Variants in HECW1 observed in about 807,000 individuals in gnomAD.
HECW1 encodes HECT, C2 and WW domain containing E3 ubiquitin protein ligase 1.
Under a neutral mutation model 182.3 loss-of-function variants are expected in HECW1, and 61 were observed. The ratio of observed to expected loss-of-function variants is 0.33; its 90% confidence interval spans 0.27 to 0.41. The LOEUF (loss-of-function observed/expected upper bound fraction) is 0.41, where lower values mean the gene tolerates loss of function less well. Ranked by LOEUF, HECW1 falls within the 10% of genes least tolerant of loss-of-function variation. The pLI is 1.00. For synonymous variants in HECW1, 859 were observed against 832.6 expected, an observed-to-expected ratio of 1.03 and a Z score of -0.55; for missense variants, 1,739 against 2,108.9, an observed-to-expected ratio of 0.82 and a Z score of 3.44.
chr7:43,192,321 A>G (rs1410084125), intron 2 of HECW1, among the ~76,000 whole-genome samples: 1 of 152,230 alleles, frequency 6.6e-6, no homozygotes, highest in East Asian at 1.9e-4. Flanking sequence ...ACATTTCAAA[A>G]TAGCTAGTAG....
chr7:43,146,422 T>G (rs1788717897), intron 2 of HECW1, among the ~76,000 whole-genome samples: 1 of 152,188 alleles, frequency 6.6e-6, no homozygotes, highest in East Asian at 1.9e-4. Context: ...ACCACTAGAT[T>G]ATATGTATCA....
intron 3 of HECW1, among the ~76,000 whole-genome samples, chr7:43,271,438 T>C (rs1280680275): frequency 6.6e-6 from 1 of 152,176 alleles, no homozygotes; most frequent in Admixed American, 6.5e-5. Context: ...CCGAATTATA[T>C]GATTCTGTAC....
At chr7:43,280,945 A>G (rs1803814338) in intron 3 of HECW1, among the ~76,000 whole-genome samples, 1 of 152,162 alleles carries the variant, frequency 6.6e-6, no homozygotes, top group Admixed American at 6.5e-5. Flanking sequence ...TGAGGTTTTC[A>G]TGCATTCCCG....
At position 43,407,740 on chromosome 7, in the gene HECW1, T is replaced by C; in HGVS notation, c.801+9T>C. The C allele has an allele frequency of 6.3e-7, 1 of 1,593,576 alleles. No individual in the cohort carries two copies. Among genetic ancestry groups the C allele is most frequent in the South Asian group, 1.1e-5 (1 of 89,796 alleles). On this transcript the variant is annotated intron_variant, in intron 8 of 29. Transcript: ENST00000395891. ...CCATCTGGCAGGCCGAGGTGAGTGC[T>C]GTGGGCCCTGAAAAAAAGCCCAAGT...
intron 21 of HECW1, 73 bp downstream of exon 21, chr7:43,501,395 G>C: frequency 1.2e-6 from 1 of 823,954 alleles, no homozygotes; most frequent in Non-Finnish European, 2.1e-6. Context: ...TGAATGAAAG[G>C]CAACTGTATG....
chr7:43,425,837 C>T (rs1332143059), intron 8 of HECW1, among the ~76,000 whole-genome samples: 2 of 152,124 alleles, frequency 1.3e-5, no homozygotes, highest in East Asian at 1.9e-4. Flanking sequence ...AAAGGCCCCA[C>T]CTCTAATACT....
intron 26 of HECW1, among the ~76,000 whole-genome samples, chr7:43,548,278 T>G (rs554404026): frequency 6.6e-6 from 1 of 152,320 alleles, no homozygotes; most frequent in South Asian, 2.1e-4. Context: ...TTCTATTAAT[T>G]TTCTAGGTAT....
rs187473186 is a variant in HECW1 at position 43,316,905 on chromosome 7, T to C, written c.353-3730T>C. Reference sequence around the variant, plus strand: ...TAAATTTACATTTCCCAGACTCCCATGCAGCCATGTTCTGGATGCAAATTC... The same window carrying C: ...TAAATTTACATTTCCCAGACTCCCACGCAGCCATGTTCTGGATGCAAATTC... On this transcript the variant is annotated intron_variant, in intron 4 of 29. Coordinates refer to ENST00000395891, the MANE Select transcript of HECW1 (RefSeq NM_015052.5). 1.8e-3 allele frequency among the ~76,000 whole-genome samples: 270 copies of C among 149,100 alleles called. 3 individuals are homozygous for C. The highest frequency in any genetic ancestry group is 0.012 in the Admixed American group (180 of 14,828).
At chr7:43,166,046 TCTTC>T (rs1418370287) in intron 2 of HECW1, among the ~76,000 whole-genome samples, 1 of 152,240 alleles carries the variant, frequency 6.6e-6, no homozygotes, top group African/African-American at 2.4e-5. Flanking sequence ...TGGTTAAAAG[TCTTC>T]CTTCCTCTCT....
rs146040905 is a variant in HECW1, at chr7:43,309,591, C to T, written c.28-2172C>T. Among the ~76,000 whole-genome samples, 20 of 152,282 alleles carry T rather than the reference C, an allele frequency of 1.3e-4. No individual in the cohort carries two copies. In the East Asian group the frequency reaches 2.9e-3, roughly 22 times the overall value. ...TGATTGAAACCACGTACATAAAAAT[C>T]TTTATCTTAGGCTCTTCATCATGAA... On this transcript the variant is annotated intron_variant, in intron 3 of 29. Coordinates refer to ENST00000395891, the MANE Select transcript of HECW1 (RefSeq NM_015052.5).
At chr7:43,473,933 G>A (rs1031377393) in intron 16 of HECW1, among the ~76,000 whole-genome samples, 3 of 152,180 alleles carry the variant, frequency 2.0e-5, no homozygotes. Context: ...GTAAAGCCAA[G>A]CATAACAGTT....
chr7:43,335,843 C>G (rs1207196413), intron 5 of HECW1, among the ~76,000 whole-genome samples: 1 of 148,348 alleles, frequency 6.7e-6, no homozygotes, highest in African/African-American at 2.5e-5. Flanking sequence ...TCCCTTGACT[C>G]CCTTTCTCCC....
At chr7:43,152,938 T>C (rs764024808) in intron 2 of HECW1, among the ~76,000 whole-genome samples, 4 of 152,244 alleles carry the variant, frequency 2.6e-5, no homozygotes, top group Non-Finnish European at 4.4e-5. Context: ...ACTCCTCTTC[T>C]GTGCCTGGTG....
At chr7:43,257,335 C>T (rs572874946) in intron 3 of HECW1, among the ~76,000 whole-genome samples, 43 of 152,290 alleles carry the variant, frequency 2.8e-4, no homozygotes, top group Admixed American at 1.1e-3. Context: ...TTTTGAAACA[C>T]AGCATTTATA....
chr7:43,360,859 C>G (rs1205491736), intron 5 of HECW1, 27 bp from the exon 6 acceptor site: 2 of 1,548,598 alleles, frequency 1.3e-6, no homozygotes, highest in Non-Finnish European at 1.8e-6. Flanking sequence ...CCCTACTTCT[C>G]AGTCTCATTT....
intron 2 of HECW1, among the ~76,000 whole-genome samples, chr7:43,140,805 C>T (rs569187008): frequency 6.6e-6 from 1 of 152,244 alleles, no homozygotes; most frequent in Non-Finnish European, 1.5e-5. Context: ...GGTCAAGGTT[C>T]CCACTGAGTC....
chr7:43,446,986 T>A (rs1233921130), intron 11 of HECW1, among the ~76,000 whole-genome samples: 2 of 152,188 alleles, frequency 1.3e-5, no homozygotes, highest in African/African-American at 2.4e-5. Flanking sequence ...AATTACAGCA[T>A]AATTAAAATA....
chr7:43,461,096 G>A (rs1477968111), intron 13 of HECW1, among the ~76,000 whole-genome samples: 1 of 152,244 alleles, frequency 6.6e-6, no homozygotes, highest in African/African-American at 2.4e-5. Context: ...AAACGTAGTG[G>A]CATAAAACAA....
intron 24 of HECW1, among the ~76,000 whole-genome samples, chr7:43,526,478 G>T (rs1324512305): frequency 6.6e-6 from 1 of 152,104 alleles, no homozygotes; most frequent in Non-Finnish European, 1.5e-5. Flanking sequence ...AACATTGTTT[G>T]GTTTAGCCCA....
Sources: allele counts gnomAD v4.1 joint callset (sites outside exome capture counted in the v4.1 genomes callset), GRCh38; gene constraint gnomAD v4.1.1; transcripts MANE v1.5; gene names NCBI Gene and HGNC (gene_info 2026-07-23, HGNC 2026-07-21).